Variants in PITPNM2 observed in about 807,000 individuals in gnomAD.
PITPNM2 encodes phosphatidylinositol transfer protein membrane associated 2, also known as membrane-associated phosphatidylinositol transfer protein 2.
In PITPNM2, 35 loss-of-function variants were observed where a neutral mutation model predicts 132.2. The observed-to-expected ratio is 0.26, with a 90% CI of 0.20 to 0.35. The LOEUF (loss-of-function observed/expected upper bound fraction) is 0.35. PITPNM2 is among the 10% of genes least tolerant of loss of function. The pLI, the probability that PITPNM2 is intolerant of heterozygous loss-of-function variation, is 1.00. For missense variants in PITPNM2, 1,332 were observed against 1,912.0 expected (o/e 0.70, Z 5.66); for synonymous variants, 738 against 799.2 (o/e 0.92, Z 1.29).
Position 122,986,076 on chromosome 12 carries a change from C to G in PITPNM2, c.4001G>C (p.Arg1334Pro). Residue 1334 changes from arginine to proline, a missense_variant, in exon 26 of 26, where the codon CGC (arginine) becomes CCC (proline). Around this residue, in one of 6 missense-constraint regions of PITPNM2, gnomAD observed 163 missense variants for 177.2 expected, o/e 0.92. Coordinates refer to ENST00000320201, the MANE Select transcript of PITPNM2 (RefSeq NM_020845.3). ...CGGCTCCAGGCGGCCAGTCATGGCG[C>G]GGCCCCAGCAGCCGGCCGCCACACT... ...SMSVAAGCWG[R>P]AMTGRLEPGA... 7.0e-7 allele frequency: 1 copy of G among 1,433,318 alleles called. No individual in the cohort carries two copies. Among genetic ancestry groups the G allele is most frequent in the Non-Finnish European group, 9.1e-7 (1 of 1,104,262 alleles). The allele number at this position is 1,433,318 out of a possible 1,614,324, so 88.8% of individuals were successfully genotyped here.
At chr12:123,149,055 C>T (rs950641301) in intron 1 of PITPNM2, among the ~76,000 whole-genome samples, 2 of 152,098 alleles carry the variant, frequency 1.3e-5, no homozygotes, top group Non-Finnish European at 2.9e-5. Flanking sequence ...TCCCAGGGGG[C>T]CTTAGATACG....
At chr12:123,048,569 C>A (rs1042227925) in intron 2 of PITPNM2, among the ~76,000 whole-genome samples, 2 of 152,072 alleles carry the variant, frequency 1.3e-5, no homozygotes. Context: ...CCCGCCACCG[C>A]GCCCGGCTAA....
At chr12:123,056,717 C>T (rs2041040880) in intron 2 of PITPNM2, among the ~76,000 whole-genome samples, 1 of 152,222 alleles carries the variant, frequency 6.6e-6, no homozygotes, top group Non-Finnish European at 1.5e-5. Flanking sequence ...CCCGGGATGC[C>T]CCAGGCCAGG....
chr12:123,018,520 A>C (rs533145818), intron 3 of PITPNM2, among the ~76,000 whole-genome samples: 2 of 151,692 alleles, frequency 1.3e-5, no homozygotes, highest in East Asian at 3.9e-4. Context: ...TTGGGGTCTC[A>C]AACTCCTGAC....
At chr12:123,006,736 A>G (rs1233423112) in intron 6 of PITPNM2, among the ~76,000 whole-genome samples, 1 of 149,974 alleles carries the variant, frequency 6.7e-6, no homozygotes. Context: ...TAATAATAAT[A>G]ATAATAATAA....
rs566693257 is a variant in PITPNM2, at chr12:123,005,798, C to T, written c.644-250G>A. 4.9e-5 allele frequency: 26 copies of T among 530,490 alleles called. 1 individual carries two copies. The highest frequency in any genetic ancestry group is 2.8e-4 in the African/African-American group (15 of 52,740). 32.9% of individuals were successfully genotyped at this position (530,490 alleles called of 1,614,324 possible). Reference sequence around the variant, plus strand: ...GAGGGGCCTCCCAAAGCAATGTGTCCGGTCAGAAGCCACAGTTGGAAGGGC... The same window carrying T: ...GAGGGGCCTCCCAAAGCAATGTGTCTGGTCAGAAGCCACAGTTGGAAGGGC... On this transcript the variant is annotated intron_variant, in intron 6 of 25. Coordinates refer to ENST00000320201, the MANE Select transcript of PITPNM2 (RefSeq NM_020845.3). This position sits in a 1 kb window ranked among gnomAD's most constrained non-coding sequence, Gnocchi z 6.2.
intron 2 of PITPNM2, among the ~76,000 whole-genome samples, chr12:123,065,412 C>A (rs918498984): frequency 3.9e-5 from 6 of 152,226 alleles, no homozygotes; most frequent in Admixed American, 6.5e-5. Context: ...GCACAGCAGA[C>A]ACTGGAGACG....
chr12:122,988,576 C>A, intron 19 of PITPNM2, 148 bp downstream of exon 19: 5 of 886,222 alleles, frequency 5.6e-6, no homozygotes, highest in Non-Finnish European at 6.9e-6. Context: ...CCTGAATACA[C>A]CCGAGCATAA....
At chr12:123,098,511 G>A (rs186518541) in intron 2 of PITPNM2, among the ~76,000 whole-genome samples, 2 of 152,216 alleles carry the variant, frequency 1.3e-5, no homozygotes, top group East Asian at 3.9e-4. Context: ...AGACCAGGCT[G>A]GGCAACATAG....
chr12:123,115,866 C>T lies in PITPNM2; in HGVS notation c.-199-5378G>A, dbSNP rs537048265. Among the ~76,000 whole-genome samples the T allele has an allele frequency of 6.6e-5, 10 of 152,282 alleles. No individual in the cohort carries two copies. The South Asian group carries it at 1.9e-3, about 28-fold the overall frequency. ...TCAGCAATACAAAACACAGCACAAG[C>T]GTGCAGCCTTCTCCAAGGGAGGGAA... On this transcript the variant is annotated intron_variant, in intron 1 of 25. Transcript: ENST00000320201.
At chr12:123,063,444 G>A (rs946765883) in intron 2 of PITPNM2, among the ~76,000 whole-genome samples, 1 of 152,220 alleles carries the variant, frequency 6.6e-6, no homozygotes, top group African/African-American at 2.4e-5. Context: ...GCACACAGCT[G>A]GTGCTTAGGA....
At chr12:123,140,452 G>C (rs902069431) in intron 1 of PITPNM2, among the ~76,000 whole-genome samples, 2 of 152,144 alleles carry the variant, frequency 1.3e-5, no homozygotes, top group African/African-American at 4.8e-5. Flanking sequence ...ACAAGGAAAA[G>C]AGCAAAAATG....
chr12:123,044,113 G>A (rs2040577825), intron 2 of PITPNM2, among the ~76,000 whole-genome samples: 1 of 152,212 alleles, frequency 6.6e-6, no homozygotes. Flanking sequence ...TGCCACGGGA[G>A]GCTTAGATGT....
At chr12:123,007,237 G>C (rs769786044) in intron 6 of PITPNM2, among the ~76,000 whole-genome samples, 1 of 152,164 alleles carries the variant, frequency 6.6e-6, no homozygotes, top group Non-Finnish European at 1.5e-5. Flanking sequence ...GGATGCACGC[G>C]TGGGGGCTTT....
At chr12:123,015,348 A>AACAGACAG (rs60609226) in intron 3 of PITPNM2, among the ~76,000 whole-genome samples, 6,480 of 152,280 alleles carry the variant, frequency 0.043, 456 homozygotes, top group African/African-American at 0.15. Context: ...CAAATAGATC[A>AACAGACAG]ACAGACAGAC....
Position 123,023,522 on chromosome 12 carries a change from G to A in PITPNM2, c.79-9480C>T, listed in dbSNP as rs570071551. Among the ~76,000 whole-genome samples the A allele has an allele frequency of 4.3e-4, 66 of 152,276 alleles. 1 individual carries two copies. In the South Asian group the frequency reaches 0.014, roughly 31 times the overall value. On this transcript the variant is annotated intron_variant, in intron 3 of 25. Coordinates refer to ENST00000320201, the MANE Select transcript of PITPNM2 (RefSeq NM_020845.3). The surrounding 1 kb of genome is among the most constrained non-coding windows in gnomAD (Gnocchi z 4.8). ...ACATGTTTGGGCCACAAGCTGGAGG[G>A]TTAGAGGTAGCTGGCGAGGCAGAAG...
intron 2 of PITPNM2, among the ~76,000 whole-genome samples, chr12:123,048,778 G>A (rs982367222): frequency 6.6e-6 from 1 of 152,172 alleles, no homozygotes; most frequent in African/African-American, 2.4e-5. Flanking sequence ...GGAGATGGAT[G>A]GTGGTTATGG....
Position 123,150,913 on chromosome 12 carries a change from C to G in PITPNM2, c.-360G>C, listed in dbSNP as rs1224964455. 2.1e-5 allele frequency among the ~76,000 whole-genome samples: 3 copies of G among 145,926 alleles called. No homozygotes were observed. The highest frequency in any genetic ancestry group is 3.0e-5 in the Non-Finnish European group (2 of 65,668). The stretch of plus-strand genomic sequence containing the variant: ...GCTGGCCCCGGGCGAGCGGCAGAGC[C>G]CCGGCGGGCATTGCTCCCGAGCGTC... On this transcript the variant is annotated 5_prime_UTR_variant, in exon 1 of 26. Transcript: ENST00000320201. The surrounding 1 kb of genome is among the most constrained non-coding windows in gnomAD (Gnocchi z 6.0).
chr12:123,073,355 C>A (rs151300158), intron 2 of PITPNM2, among the ~76,000 whole-genome samples: 37 of 152,284 alleles, frequency 2.4e-4, no homozygotes, highest in African/African-American at 8.7e-4. Flanking sequence ...TCTCTGTGTG[C>A]ATCTCTGGGC....
Sources: gnomAD v4.1 joint callset for allele counts (sites outside exome capture counted in the v4.1 genomes callset) on GRCh38, gnomAD v4.1.1 for gene constraint, gnomAD v4.1.1 regional missense constraint, Gnocchi (gnomAD v3.1) non-coding constraint, MANE v1.5 for transcripts, NCBI Gene and HGNC (gene_info 2026-07-23, HGNC 2026-07-21) for gene names.